The following DRC7 variants were observed in gnomAD, a reference collection of about 807,000 sequenced individuals.
DRC7 encodes coiled-coil domain containing 135.
DRC7 carries 80 observed loss-of-function variants against 104.4 expected under a neutral mutation model. The ratio of observed to expected loss-of-function variants is 0.77; its 90% CI spans 0.64 to 0.92. The LOEUF is 0.92. Among genes scored for constraint, DRC7 ranks in the 40% least tolerant of loss-of-function variants. DRC7 has a pLI of 0.00. For synonymous variants in DRC7, 405 were observed against 447.3 expected, an observed-to-expected ratio of 0.91 and a Z score of 1.19; for missense variants, 1,034 against 1,141.1, an observed-to-expected ratio of 0.91 and a Z score of 1.35.
At chr16:57,695,547 C>T (rs1431113847) in intron 1 of DRC7, among the ~76,000 whole-genome samples, 2 of 152,206 alleles carry the variant, frequency 1.3e-5, no homozygotes, top group African/African-American at 2.4e-5. Flanking sequence ...GACTGCCCTT[C>T]CTGGGCTCAT....
chr16:57,718,580 TAGACCA>T, intron 9 of DRC7, 105 bp downstream of exon 9: 1 of 1,344,314 alleles, frequency 7.4e-7, no homozygotes, highest in Middle Eastern at 2.0e-4. Flanking sequence ...ATGGCCCAAG[TAGACCA>T]GTGATGGGTT....
intron 9 of DRC7, among the ~76,000 whole-genome samples, chr16:57,720,779 A>G (rs1275030661): frequency 6.6e-6 from 1 of 152,236 alleles, no homozygotes; most frequent in East Asian, 1.9e-4. Flanking sequence ...GGTATGAGCA[A>G]TGTTTGTGGA....
intron 12 of DRC7, 127 bp from the exon 13 acceptor site, chr16:57,724,488 C>A: frequency 1.6e-6 from 1 of 616,270 alleles, no homozygotes; most frequent in Non-Finnish European, 2.8e-6. Flanking sequence ...GGGACTGGTT[C>A]ATAGCTAACC....
At position 57,717,591 on chromosome 16, in the gene DRC7, C is replaced by T. The variant is rs552998233; in HGVS notation, c.1078-756C>T. Among the ~76,000 whole-genome samples, 139 of 151,668 alleles carry T rather than the reference C, an allele frequency of 9.2e-4. 1 individual carries two copies. Among genetic ancestry groups the T allele is most frequent in the Non-Finnish European group, 1.9e-3 (128 of 67,898 alleles). On this transcript the variant is annotated intron_variant, in intron 8 of 18. Transcript: ENST00000360716. ...GCATGTGCCTGTAATCCCAGCTACT[C>T]AGGAGGCTGAGGCAGGAAAATCGCT...
intron 8 of DRC7, among the ~76,000 whole-genome samples, chr16:57,715,734 G>A (rs777903297): frequency 2.0e-5 from 3 of 152,204 alleles, no homozygotes; most frequent in African/African-American, 4.8e-5. Context: ...AGCCGACACT[G>A]CCCTCCCCCA....
At chr16:57,717,026 C>T (rs1303278466) in intron 8 of DRC7, among the ~76,000 whole-genome samples, 3 of 151,524 alleles carry the variant, frequency 2.0e-5, no homozygotes, top group South Asian at 2.1e-4. Context: ...GCTGTGGTGG[C>T]GAGCACTTGT....
chr16:57,722,964 G>T, intron 11 of DRC7, 38 bp from the exon 12 acceptor site: 1 of 1,613,552 alleles, frequency 6.2e-7, no homozygotes, highest in Non-Finnish European at 8.5e-7. Context: ...GGCTAGGGGA[G>T]CTGGCCTGGC....
intron 9 of DRC7, among the ~76,000 whole-genome samples, chr16:57,720,316 G>A (rs1236526109): frequency 1.3e-5 from 2 of 152,180 alleles, no homozygotes; most frequent in African/African-American, 4.8e-5. Context: ...TACCTCCTGG[G>A]GCTGCTTGAT....
chr16:57,706,452 C>CCTCCCATCCA (rs2048729013), intron 7 of DRC7, among the ~76,000 whole-genome samples: 3 of 116,668 alleles, frequency 2.6e-5, no homozygotes, highest in African/African-American at 1.0e-4. Context: ...CCTCCCATTT[C>CCTCCCATCCA]TCCTCCCATC....
At chr16:57,723,983 T>C (rs1351297124) in intron 12 of DRC7, among the ~76,000 whole-genome samples, 6 of 152,090 alleles carry the variant, frequency 3.9e-5, no homozygotes, top group Non-Finnish European at 7.4e-5. Context: ...AGATTGGAAC[T>C]TTTCTGGAGG....
intron 12 of DRC7, among the ~76,000 whole-genome samples, chr16:57,724,380 A>T (rs2148768243): frequency 6.6e-6 from 1 of 152,238 alleles, no homozygotes; most frequent in South Asian, 2.1e-4. Flanking sequence ...ATTCTTAGCA[A>T]ATAATGGACA....
In DRC7 at chr16:57,702,103, G is replaced by A. The variant is rs2048666161; in HGVS notation, c.672G>A (p.Val224=). 1 of 1,614,036 alleles carries A rather than the reference G, an allele frequency of 6.2e-7. No individual in the cohort carries two copies. The highest frequency in any genetic ancestry group is 8.5e-7 in the Non-Finnish European group (1 of 1,180,028). The change falls in exon 6 of 19, where the codon GTG becomes GTA. Residue 224 remains valine, a synonymous_variant. Coordinates refer to ENST00000360716, the MANE Select transcript of DRC7 (RefSeq NM_001289162.2). ...GCCACATGGACCTGACGCGGGAGGT[G>A]TGCCCACTCACTGTGAAGCCCAAGG... ...DLCHMDLTRE[V]CPLTVKPKET...
At chr16:57,728,319 G>A in intron 16 of DRC7, 71 bp from the exon 17 acceptor site, 1 of 1,419,952 alleles carries the variant, frequency 7.0e-7, no homozygotes, top group Non-Finnish European at 9.5e-7. Context: ...CTGGCACACT[G>A]CTGATGCAGA....
intron 5 of DRC7, among the ~76,000 whole-genome samples, chr16:57,700,545 G>A (rs1366320675): frequency 6.6e-6 from 1 of 151,764 alleles, no homozygotes; most frequent in East Asian, 1.9e-4. Context: ...TACTGGGGAG[G>A]CTGAGGCAGG....
Position 57,702,086 on chromosome 16 carries a change from G to T in DRC7, c.655G>T (p.Asp219Tyr). ...CGGCTCGCTGGACCTGTGCCACATGGACCTGACGCGGGAGGTGTGCCCACT... is the reference window on the plus strand; with the variant it reads ...CGGCTCGCTGGACCTGTGCCACATGTACCTGACGCGGGAGGTGTGCCCACT... ...GYGSLDLCHM[D>Y]LTREVCPLTV... is the part of the protein sequence containing the mutation. Residue 219 changes from aspartate (D) to tyrosine (Y), a missense_variant, in exon 6 of 19, where the codon GAC becomes TAC. Physicochemically the swap from Asp to Tyr is radical, Grantham distance 160 (BLOSUM62 -3). Coordinates refer to ENST00000360716, the MANE Select transcript of DRC7 (RefSeq NM_001289162.2). 2 of 1,614,192 alleles carry T rather than the reference G, an allele frequency of 1.2e-6. No individual in the cohort carries two copies. Among genetic ancestry groups the T allele is most frequent in the Non-Finnish European group, 1.7e-6 (2 of 1,180,044 alleles).
Position 57,731,591 on chromosome 16 carries a change from C to T in DRC7, c.*333C>T. 2.8e-6 allele frequency: 1 copy of T among 360,202 alleles called. No individual in the cohort carries two copies. The highest frequency in any genetic ancestry group is 5.2e-6 in the Non-Finnish European group (1 of 193,298). The allele number at this position is 360,202 out of a possible 1,614,324, so 22.3% of individuals were successfully genotyped here. ...TCTCTCCGTTGGAATGTCAGGTCTT[C>T]ACAGCACCTCTGCAGATGGTCCCAC... On this transcript the variant is annotated 3_prime_UTR_variant, in exon 19 of 19. Coordinates refer to ENST00000360716, the MANE Select transcript of DRC7 (RefSeq NM_001289162.2).
chr16:57,701,743 A>G, intron 5 of DRC7, 193 bp from the exon 6 acceptor site: 1 of 573,608 alleles, frequency 1.7e-6, no homozygotes, highest in Non-Finnish European at 3.1e-6. Context: ...GGCAAATGTG[A>G]ATGGCATGGT....
chr16:57,700,524 G>A (rs968833316), intron 5 of DRC7, among the ~76,000 whole-genome samples: 2 of 152,098 alleles, frequency 1.3e-5, no homozygotes, highest in Non-Finnish European at 2.9e-5. Context: ...GCACATGCCT[G>A]TAATCCTAGC....
Position 57,718,399 on chromosome 16 carries a change from G to T in DRC7, c.1130G>T (p.Gly377Val). The T allele has an allele frequency of 6.2e-7, 1 of 1,614,116 alleles. No homozygotes were observed. Reference sequence around the variant, plus strand: ...GTGAGATGGGAGTACATGCTCCTGGGGACTGATAAGTCTCAGCTGTCCTTG... The same window carrying T: ...GTGAGATGGGAGTACATGCTCCTGGTGACTGATAAGTCTCAGCTGTCCTTG... ...DPVRWEYMLL[G>V]TDKSQLSLTE... Residue 377 changes from glycine to valine, a missense_variant, in exon 9 of 19, where the codon GGG (glycine) becomes GTG (valine). Transcript: ENST00000360716.
Sources: gnomAD v4.1 joint callset for allele counts (sites outside exome capture counted in the v4.1 genomes callset) on GRCh38, gnomAD v4.1.1 for gene constraint, MANE v1.5 for transcripts, NCBI Gene and HGNC (gene_info 2026-07-23, HGNC 2026-07-21) for gene names.